Variants in AGPAT5 observed in about 807,000 individuals in gnomAD.
AGPAT5 encodes the protein 1-acyl-sn-glycerol-3-phosphate acyltransferase epsilon.
In AGPAT5, 46 loss-of-function variants were observed where a neutral mutation model predicts 45.6. The observed-to-expected ratio is 1.01, with a 90% CI of 0.80 to 1.29. The LOEUF is 1.29. AGPAT5 is among the 50% of genes most tolerant of loss of function. The probability of loss-of-function intolerance (pLI) is 0.00; values close to 1 mark genes in which losing one functional copy is unlikely to be tolerated. For missense variants in AGPAT5, 673 were observed against 450.7 expected (o/e 1.49, Z -4.47); for synonymous variants, 272 against 167.0 (o/e 1.63, Z -4.85).
intron 6 of AGPAT5, among the ~76,000 whole-genome samples, chr8:6,749,549 A>T (rs1257732555): frequency 6.6e-6 from 1 of 152,154 alleles, no homozygotes; most frequent in Non-Finnish European, 1.5e-5. Context: ...CTTCCTAGCG[A>T]TAACCAGTTT....
At chr8:6,723,065 C>T (rs962042906) in intron 1 of AGPAT5, among the ~76,000 whole-genome samples, 4 of 152,120 alleles carry the variant, frequency 2.6e-5, no homozygotes, top group African/African-American at 9.7e-5. Flanking sequence ...AGAATGAAGC[C>T]TTTAAAAAGT....
intron 1 of AGPAT5, among the ~76,000 whole-genome samples, chr8:6,722,473 T>C (rs1257544321): frequency 6.6e-6 from 1 of 152,236 alleles, no homozygotes; most frequent in Non-Finnish European, 1.5e-5. Flanking sequence ...ATGAAGAATA[T>C]ATATTTTTTA....
At position 6,758,905 on chromosome 8, in the gene AGPAT5, C is replaced by G. The variant is rs1436570570; in HGVS notation, c.*1517C>G. 1 of 152,620 alleles carries G rather than the reference C, an allele frequency of 6.6e-6. No homozygotes were observed. The highest frequency in any genetic ancestry group is 1.5e-5 in the Non-Finnish European group (1 of 68,036). 9.5% of individuals were successfully genotyped at this position (152,620 alleles called of 1,614,324 possible). A position where few individuals can be genotyped will look rare whatever the true frequency, so the allele number is the denominator to read the frequency against. ...CCCACATTAAACATACCAGTTGGAT[C>G]ATGATAAGCAAAATGAAAGAAATAA... On this transcript the variant is annotated 3_prime_UTR_variant, in exon 8 of 8. Coordinates refer to ENST00000285518, the MANE Select transcript of AGPAT5 (RefSeq NM_018361.5).
intron 3 of AGPAT5, 151 bp downstream of exon 3, chr8:6,730,977 T>G: frequency 2.2e-6 from 1 of 448,250 alleles, no homozygotes; most frequent in Non-Finnish European, 3.9e-6. Flanking sequence ...CAAGTGAACC[T>G]CCTGCCTCTG....
At chr8:6,714,488 G>C (rs34934346) in intron 1 of AGPAT5, among the ~76,000 whole-genome samples, 4,081 of 152,254 alleles carry the variant, frequency 0.027, 92 homozygotes, top group Non-Finnish European at 0.04. Flanking sequence ...ATAAACCTCT[G>C]TGAACAAACC....
intron 4 of AGPAT5, among the ~76,000 whole-genome samples, chr8:6,734,359 C>T (rs987324164): frequency 6.6e-6 from 1 of 151,356 alleles, no homozygotes; most frequent in Non-Finnish European, 1.5e-5. Context: ...TGGATTCTTC[C>T]TTTGGCTGTG....
chr8:6,745,742 G>A (rs1157709551), intron 5 of AGPAT5: 1 of 150,412 alleles, frequency 6.6e-6, no homozygotes, highest in African/African-American at 2.4e-5. Context: ...GGATGTTTCC[G>A]GAGTCTGTAT....
At chr8:6,736,888 GT>G (rs1801069893) in intron 4 of AGPAT5, among the ~76,000 whole-genome samples, 1 of 152,202 alleles carries the variant, frequency 6.6e-6, no homozygotes, top group Non-Finnish European at 1.5e-5. Flanking sequence ...ATGGGTTTTG[GT>G]TTCTGTGCCC....
At chr8:6,719,742 A>G (rs1389400666) in intron 1 of AGPAT5, among the ~76,000 whole-genome samples, 2 of 152,232 alleles carry the variant, frequency 1.3e-5, no homozygotes, top group Admixed American at 1.3e-4. Flanking sequence ...GATCTGGAAG[A>G]TCATATTAAT....
chr8:6,742,492 T>G (rs1190527197), intron 5 of AGPAT5, among the ~76,000 whole-genome samples: 2 of 152,186 alleles, frequency 1.3e-5, no homozygotes, highest in Non-Finnish European at 2.9e-5. Context: ...CATATGTTGA[T>G]AGTCACTCAC....
At chr8:6,744,901 G>T (rs951195195) in intron 5 of AGPAT5, among the ~76,000 whole-genome samples, 1 of 152,168 alleles carries the variant, frequency 6.6e-6, no homozygotes, top group African/African-American at 2.4e-5. Context: ...TTCCTTAGCA[G>T]TGGAGAACAT....
chr8:6,716,204 C>T (rs1462261279), intron 1 of AGPAT5, among the ~76,000 whole-genome samples: 2 of 152,148 alleles, frequency 1.3e-5, no homozygotes, highest in African/African-American at 2.4e-5. Context: ...AACATTGTAA[C>T]CTCTTGGAGA....
At chr8:6,716,531 C>T (rs770640143) in intron 1 of AGPAT5, among the ~76,000 whole-genome samples, 6 of 151,076 alleles carry the variant, frequency 4.0e-5, no homozygotes, top group Non-Finnish European at 7.4e-5. Context: ...GACCCTGTCT[C>T]AAAAGAAAAA....
At chr8:6,741,545 T>C (rs149881074) in intron 4 of AGPAT5, 116 bp from the exon 5 acceptor site, 11 of 638,872 alleles carry the variant, frequency 1.7e-5, no homozygotes, top group African/African-American at 1.5e-4. Context: ...TAAATATACA[T>C]TTTCTCCTAC....
At chr8:6,724,849 T>C in intron 1 of AGPAT5, 21 bp from the exon 2 acceptor site, 1 of 817,108 alleles carries the variant, frequency 1.2e-6, no homozygotes, top group Non-Finnish European at 1.7e-6. Context: ...CAAAGTAATG[T>C]TTTTTTGTTT....
intron 1 of AGPAT5, among the ~76,000 whole-genome samples, chr8:6,710,079 A>C (rs1052577835): frequency 6.6e-6 from 1 of 152,200 alleles, no homozygotes; most frequent in African/African-American, 2.4e-5. Context: ...TCATGTGACA[A>C]CTGGCCTGGG....
chr8:6,711,337 C>T (rs909483732), intron 1 of AGPAT5, among the ~76,000 whole-genome samples: 1 of 152,174 alleles, frequency 6.6e-6, no homozygotes, highest in Admixed American at 6.5e-5. Context: ...ACTTTATTTT[C>T]ATATGTATCT....
chr8:6,735,905 A>C lies in AGPAT5; in HGVS notation c.495+3255A>C, dbSNP rs571566731. 3.8e-4 allele frequency among the ~76,000 whole-genome samples: 46 copies of C among 119,634 alleles called. No homozygotes were observed. In the East Asian group the frequency reaches 9.5e-3, roughly 25 times the overall value. 78.5% of individuals were successfully genotyped at this position (119,634 alleles called of 152,430 possible). ...AGTCTCGGTCTGTCACCCAGGCTGG[A>C]GTGCAGTGGCACGATCTTGGCTCAC... is the stretch of plus-strand genomic sequence containing the variant. On this transcript the variant is annotated intron_variant, in intron 4 of 7. Transcript: ENST00000285518.
Position 6,745,612 on chromosome 8 carries a change from C to T in AGPAT5, c.587-2058C>T, listed in dbSNP as rs1234390975. 5.3e-5 allele frequency: 8 copies of T among 152,146 alleles called. No individual in the cohort carries two copies. In the East Asian group the frequency reaches 1.5e-3, roughly 29 times the overall value. 9.4% of individuals were successfully genotyped at this position (152,146 alleles called of 1,614,324 possible). On this transcript the variant is annotated intron_variant, in intron 5 of 7. Coordinates refer to ENST00000285518, the MANE Select transcript of AGPAT5 (RefSeq NM_018361.5). ...TTTTTCTTGTTGAAGATAAATATCACCTCCTCTTCCTTTAAACATCTCTTC... is the reference window on the plus strand; with the variant it reads ...TTTTTCTTGTTGAAGATAAATATCATCTCCTCTTCCTTTAAACATCTCTTC...
Sources: allele counts gnomAD v4.1 joint callset (sites outside exome capture counted in the v4.1 genomes callset), GRCh38; gene constraint gnomAD v4.1.1; transcripts MANE v1.5; gene names NCBI Gene and HGNC (gene_info 2026-07-23, HGNC 2026-07-21).